ANKRD30A: variants seen among roughly 807,000 people sequenced by gnomAD.
ANKRD30A encodes the protein ankyrin repeat domain 30A.
In ANKRD30A, 170 loss-of-function variants were observed where a neutral mutation model predicts 166.3. The ratio of observed to expected loss-of-function variants is 1.02; its 90% CI spans 0.90 to 1.16. The LOEUF is 1.16. Among genes scored for constraint, ANKRD30A ranks in the 50% most tolerant of loss-of-function variants. ANKRD30A has a pLI of 0.00. For missense variants in ANKRD30A, 1,630 were observed against 1,518.0 expected, an observed-to-expected ratio of 1.07 and a Z score of -1.23; for synonymous variants, 564 against 508.9, an observed-to-expected ratio of 1.11 and a Z score of -1.46.
intron 24 of ANKRD30A, among the ~76,000 whole-genome samples, chr10:37,182,928 C>G (rs1351853074): frequency 2.0e-5 from 3 of 151,448 alleles, no homozygotes; most frequent in Non-Finnish European, 3.0e-5. Context: ...TAGTTGTACA[C>G]TGTACATATT....
chr10:37,140,809 G>T (rs1351709175), intron 6 of ANKRD30A, among the ~76,000 whole-genome samples: 1 of 151,994 alleles, frequency 6.6e-6, no homozygotes, highest in Non-Finnish European at 1.5e-5. Flanking sequence ...AATTATATGG[G>T]CATATCTTTA....
At chr10:37,161,973 C>A (rs1838927342) in intron 15 of ANKRD30A, among the ~76,000 whole-genome samples, 1 of 152,060 alleles carries the variant, frequency 6.6e-6, no homozygotes, top group African/African-American at 2.4e-5. Flanking sequence ...ATGTTTAATT[C>A]ATCTATTGCA....
intron 31 of ANKRD30A, among the ~76,000 whole-genome samples, chr10:37,214,133 A>G (rs2132727667): frequency 6.6e-6 from 1 of 151,754 alleles, no homozygotes; most frequent in Middle Eastern, 3.4e-3. Context: ...TTTCTTGATT[A>G]AGTGAACCCT....
chr10:37,226,842 G>C (rs1015796648), intron 34 of ANKRD30A, among the ~76,000 whole-genome samples: 2 of 151,790 alleles, frequency 1.3e-5, no homozygotes. Flanking sequence ...ATTTTTACCA[G>C]GAAAGATTCC....
At chr10:37,244,124 G>A in the ANKRD30A span, among the ~76,000 whole-genome samples, 1 of 152,188 alleles carries the variant, frequency 6.6e-6, no homozygotes, top group African/African-American at 2.4e-5. Flanking sequence ...CAGGTTTGCA[G>A]ATGGCAGGAG....
intron 24 of ANKRD30A, among the ~76,000 whole-genome samples, chr10:37,183,521 T>C (rs1325644704): frequency 1.4e-5 from 2 of 146,998 alleles, no homozygotes; most frequent in East Asian, 2.0e-4. Context: ...TAAAAAGATA[T>C]AAATCAAACA....
At chr10:37,263,405 T>C in the ANKRD30A span, among the ~76,000 whole-genome samples, 3 of 151,888 alleles carry the variant, frequency 2.0e-5, no homozygotes, top group Non-Finnish European at 2.9e-5. Context: ...TTCTCTTATA[T>C]ATTACATTGT....
At chr10:37,219,988 AATATATAT>A (rs71007624) in intron 34 of ANKRD30A, 91 bp downstream of exon 34, 8,657 of 187,676 alleles carry the variant, frequency 0.046, 451 homozygotes, top group African/African-American at 0.081. Flanking sequence ...AATCTAGTTG[AATATATAT>A]ATATATATAT....
rs12766878 is a variant in ANKRD30A, at chr10:37,162,656, G to T, written c.1908G>T (p.Pro636=). 6.2e-7 allele frequency: 1 copy of T among 1,611,490 alleles called. No homozygotes were observed. The highest frequency in any genetic ancestry group is 8.5e-7 in the Non-Finnish European group (1 of 1,179,224). Residue 636 remains proline, a synonymous_variant, in exon 16 of 36, where the codon CCG becomes CCT. Transcript: ENST00000361713. ...ATCTCTTTTGCTTTTTAGAGCCTCC[G>T]GGGAAGCCATCTGCCTTCGAGGTAT... The part of the protein sequence containing the change: ...KDMQTFKAEP[P]GKPSAFEPAT...
At position 37,125,957 on chromosome 10, in the gene ANKRD30A, T is replaced by G. The variant is rs763102980; in HGVS notation, c.170T>G (p.Met57Arg). Residue 57 changes from methionine to arginine, a missense_variant, in exon 1 of 36, where the codon ATG (methionine) becomes AGG (arginine). Physicochemically the swap from Met to Arg is moderately conservative, Grantham distance 91. Coordinates refer to ENST00000361713, the MANE Select transcript of ANKRD30A (RefSeq NM_052997.3). ...GGACAAGTCCGGAAGCTGGAGAAGATGACAAAGAGGAAGAAGACCATCAAC... is the reference window on the plus strand; with the variant it reads ...GGACAAGTCCGGAAGCTGGAGAAGAGGACAAAGAGGAAGAAGACCATCAAC... ...SRGQVRKLEK[M>R]TKRKKTINLN... The G allele has an allele frequency of 6.2e-7, 1 of 1,611,828 alleles. No individual in the cohort carries two copies. The highest frequency in any genetic ancestry group is 2.2e-5 in the East Asian group (1 of 44,820).
chr10:37,137,346 T>G (rs1352123242), intron 6 of ANKRD30A, among the ~76,000 whole-genome samples: 1 of 152,064 alleles, frequency 6.6e-6, no homozygotes, highest in Non-Finnish European at 1.5e-5. Flanking sequence ...GGTACCCGGT[T>G]CATCTCACTG....
chr10:37,158,461 AT>A, intron 14 of ANKRD30A, 41 bp downstream of exon 14: 2 of 1,612,918 alleles, frequency 1.2e-6, no homozygotes, highest in Non-Finnish European at 8.5e-7. Context: ...TCAACTACAT[AT>A]TTTATGAAGT....
chr10:37,143,730 CAT>C (rs1335264032), intron 7 of ANKRD30A, among the ~76,000 whole-genome samples: 1 of 151,910 alleles, frequency 6.6e-6, no homozygotes, highest in Non-Finnish European at 1.5e-5. Flanking sequence ...TGAAAGCAGT[CAT>C]AGATAATGTG....
intron 5 of ANKRD30A, 49 bp from the exon 6 acceptor site, chr10:37,136,557 TA>T: frequency 1.2e-6 from 1 of 854,842 alleles, no homozygotes; most frequent in Non-Finnish European, 1.8e-6. Flanking sequence ...ATGTTTTTTA[TA>T]AAGTCAGTGT....
rs377410013 is a variant in ANKRD30A, at chr10:37,152,066, T to C, written c.1652T>C (p.Met551Thr). ...KNEQTLRADP[M>T]FPPESKQKDY... ...TGTGATTAACCTTTTATAGATCCGA[T>C]GTTCCCACCAGAATCCAAACAAAAG... is the stretch of plus-strand genomic sequence containing the variant. The change falls in exon 12 of 36, where the codon ATG (methionine) becomes ACG (threonine). Residue 551 changes from methionine (M) to threonine (T), a missense_variant. By Grantham distance (81) the Met-to-Thr change is moderately conservative (BLOSUM62 -1). Coordinates refer to ENST00000361713, the MANE Select transcript of ANKRD30A (RefSeq NM_052997.3). 6.2e-7 allele frequency: 1 copy of C among 1,608,746 alleles called. No homozygotes were observed. Among genetic ancestry groups the C allele is most frequent in the Non-Finnish European group, 8.5e-7 (1 of 1,176,704 alleles).
chr10:37,252,235 C>T, the ANKRD30A span, among the ~76,000 whole-genome samples: 5 of 152,102 alleles, frequency 3.3e-5, no homozygotes, highest in African/African-American at 7.2e-5. Flanking sequence ...AACATTTGTT[C>T]TTGATTCCCC....
chr10:37,164,973 G>T (rs892900366), intron 17 of ANKRD30A, 121 bp from the exon 18 acceptor site: 2 of 1,051,706 alleles, frequency 1.9e-6, no homozygotes, highest in African/African-American at 1.6e-5. Flanking sequence ...TCAACAAAAA[G>T]AACATATGGG....
intron 13 of ANKRD30A, among the ~76,000 whole-genome samples, chr10:37,158,091 G>A (rs956161495): frequency 6.6e-6 from 1 of 151,798 alleles, no homozygotes; most frequent in Non-Finnish European, 1.5e-5. Context: ...TTCCTTATAC[G>A]GCCGCTTTCT....
At chr10:37,199,683 A>G (rs771624087) in intron 29 of ANKRD30A, 44 bp from the exon 30 acceptor site, 13 of 1,271,570 alleles carry the variant, frequency 1.0e-5, no homozygotes, top group South Asian at 8.5e-5. Flanking sequence ...AATGTATAGT[A>G]GAGAAATGTT....
Sources: gnomAD v4.1 joint callset for allele counts (sites outside exome capture counted in the v4.1 genomes callset) on GRCh38, gnomAD v4.1.1 for gene constraint, MANE v1.5 for transcripts, NCBI Gene and HGNC (gene_info 2026-07-23, HGNC 2026-07-21) for gene names.